BMPR2: variants seen among roughly 807,000 people sequenced by gnomAD.
The protein encoded by BMPR2 is bone morphogenetic protein receptor type 2.
BMPR2 carries 29 observed loss-of-function variants against 100.8 expected under a neutral mutation model. That is an observed-to-expected ratio of 0.29 (90% CI 0.21 to 0.39). BMPR2 has a LOEUF of 0.39. Among genes scored for constraint, BMPR2 ranks in the 10% least tolerant of loss-of-function variants. BMPR2 has a pLI of 1.00. For missense variants in BMPR2, 1,011 were observed against 1,274.5 expected (o/e 0.79, Z 3.15); for synonymous variants, 382 against 442.3 (o/e 0.86, Z 1.71).
chr2:202,434,317 G>A (rs1042185872), intron 1 of BMPR2, among the ~76,000 whole-genome samples: 2 of 150,616 alleles, frequency 1.3e-5, no homozygotes, highest in Non-Finnish European at 2.9e-5. Flanking sequence ...GGTGGAAGTG[G>A]TCCAGTCAAA....
chr2:202,390,926 T>G lies in BMPR2; in HGVS notation c.76+13376T>G, dbSNP rs572869325. ...TTATGACATCTGGTTTTGTGTTATC[T>G]TAGGAAAGCCTCTACCTTATGTACA... On this transcript the variant is annotated intron_variant, in intron 1 of 12. Transcript: ENST00000374580. Among the ~76,000 whole-genome samples, 5 of 151,852 alleles carry G rather than the reference T, an allele frequency of 3.3e-5. No individual in the cohort carries two copies. In the East Asian group the frequency reaches 9.7e-4, roughly 29 times the overall value.
chr2:202,557,167 C>T (rs528816608), intron 12 of BMPR2, among the ~76,000 whole-genome samples: 11 of 151,050 alleles, frequency 7.3e-5, no homozygotes, highest in Admixed American at 5.3e-4. Context: ...CCCGTCTCTA[C>T]TAAAAATGCA....
At chr2:202,522,369 T>C (rs1687833127) in intron 7 of BMPR2, among the ~76,000 whole-genome samples, 1 of 151,860 alleles carries the variant, frequency 6.6e-6, no homozygotes, top group African/African-American at 2.4e-5. Flanking sequence ...TAGCCAGGCA[T>C]GGTGGCACGC....
rs1215897891 is a variant in BMPR2 at position 202,503,611 on chromosome 2, G to T, written c.419-10108G>T. 6.6e-6 allele frequency among the ~76,000 whole-genome samples: 1 copy of T among 152,248 alleles called. No individual in the cohort carries two copies. Among genetic ancestry groups the T allele is most frequent in the East Asian group, 1.9e-4 (1 of 5,192 alleles). ...TGGGTCTTAGCTGCCTTCCCACAGG[G>T]CAGGGCTCGGGACCTGCAGCCCGCC... On this transcript the variant is annotated intron_variant, in intron 3 of 12. Transcript: ENST00000374580. The surrounding 1 kb of genome is among the most constrained non-coding windows in gnomAD (Gnocchi z 4.0).
chr2:202,507,003 G>A (rs111602627), intron 3 of BMPR2, among the ~76,000 whole-genome samples: 17,893 of 151,320 alleles, frequency 0.12, 1,171 homozygotes, highest in Non-Finnish European at 0.14. Flanking sequence ...AGCCTGGGAG[G>A]CGAAGGTTGT....
intron 3 of BMPR2, among the ~76,000 whole-genome samples, chr2:202,488,172 C>T (rs975485636): frequency 6.6e-6 from 1 of 152,124 alleles, no homozygotes; most frequent in East Asian, 1.9e-4. Flanking sequence ...GTTTCTCATT[C>T]TCTTTATTAT....
Position 202,564,729 on chromosome 2 carries a change from ACCTT to A in BMPR2, c.*4786_*4789del, listed in dbSNP as rs1688729086. On this transcript the variant is annotated 3_prime_UTR_variant, in exon 13 of 13. Coordinates refer to ENST00000374580, the MANE Select transcript of BMPR2 (RefSeq NM_001204.7). ...AGGGAATCACAGGGCATTTAAGTGC[ACCTT>A]CCCATTACTTTCCTTAAATCACCTC... 1 of 152,142 alleles carries A rather than the reference ACCTT, an allele frequency of 6.6e-6. No homozygotes were observed. The highest frequency in any genetic ancestry group is 2.1e-4 in the South Asian group (1 of 4,832). 9.4% of individuals were successfully genotyped at this position (152,142 alleles called of 1,614,324 possible). A position where few individuals can be genotyped will look rare whatever the true frequency, so the allele number is the denominator to read the frequency against.
At chr2:202,394,503 A>G (rs1049231939) in intron 1 of BMPR2, among the ~76,000 whole-genome samples, 13 of 152,172 alleles carry the variant, frequency 8.5e-5, no homozygotes, top group Non-Finnish European at 1.5e-4. Flanking sequence ...TCCCTTTATG[A>G]GTGCCTGCTA....
At chr2:202,558,892 C>CAA (rs538329842) in intron 12 of BMPR2, among the ~76,000 whole-genome samples, 4,842 of 81,342 alleles carry the variant, frequency 0.06, 163 homozygotes, top group Middle Eastern at 0.095. Context: ...AACTCCATCT[C>CAA]AAAAAAAAAA....
chr2:202,533,346 G>A (rs1208563497), intron 9 of BMPR2, among the ~76,000 whole-genome samples: 3 of 151,860 alleles, frequency 2.0e-5, no homozygotes, highest in Non-Finnish European at 2.9e-5. Context: ...GAGGTCAGGA[G>A]TTCGAGACCA....
intron 1 of BMPR2, among the ~76,000 whole-genome samples, chr2:202,380,596 A>G (rs1690261641): frequency 1.3e-5 from 2 of 150,632 alleles, no homozygotes; most frequent in South Asian, 2.1e-4. Flanking sequence ...GCACTGCTTT[A>G]TATCATCAGT....
chr2:202,395,740 A>C (rs1690645016), intron 1 of BMPR2, among the ~76,000 whole-genome samples: 1 of 152,018 alleles, frequency 6.6e-6, no homozygotes, highest in South Asian at 2.1e-4. Flanking sequence ...GTTCGAGACC[A>C]TCCTGGCCAA....
chr2:202,525,857 CT>C (rs386392340), intron 7 of BMPR2, among the ~76,000 whole-genome samples: 517 of 69,346 alleles, frequency 7.5e-3, no homozygotes, highest in African/African-American at 0.01. Context: ...TTCAGAGCAT[CT>C]TTTTTTTTTT....
At chr2:202,444,542 A>G (rs889461795) in intron 1 of BMPR2, among the ~76,000 whole-genome samples, 1 of 150,662 alleles carries the variant, frequency 6.6e-6, no homozygotes, top group African/African-American at 2.5e-5. Context: ...AAAATTTTAA[A>G]GACTTTAGTT....
rs192184184 is a variant in BMPR2, at chr2:202,560,076, G to C, written c.*130G>C. The C allele has an allele frequency of 9.0e-5, 103 of 1,149,024 alleles. No individual in the cohort carries two copies. In the East Asian group the frequency reaches 2.5e-3, roughly 28 times the overall value. The allele number at this position is 1,149,024 out of a possible 1,614,324, so 71.2% of individuals were successfully genotyped here. A position where few individuals can be genotyped will look rare whatever the true frequency, so the allele number is the denominator to read the frequency against. ...CCTCCCACCCCTGCAACAAAGACTT[G>C]CTTTAAATAGATTTCAGCTATGCAG... is the stretch of plus-strand genomic sequence containing the variant. On this transcript the variant is annotated 3_prime_UTR_variant, in exon 13 of 13. Coordinates refer to ENST00000374580, the MANE Select transcript of BMPR2 (RefSeq NM_001204.7).
chr2:202,501,598 T>C (rs1359311211), intron 3 of BMPR2, among the ~76,000 whole-genome samples: 2 of 152,198 alleles, frequency 1.3e-5, no homozygotes. Flanking sequence ...AAGGCTGGCC[T>C]CACTGTTTAA....
intron 1 of BMPR2, among the ~76,000 whole-genome samples, 183 bp downstream of exon 1, chr2:202,377,733 T>C (rs940953596): frequency 6.6e-6 from 1 of 152,216 alleles, no homozygotes; most frequent in Non-Finnish European, 1.5e-5. Context: ...CCTTTAATAT[T>C]CTTGTGTATT....
chr2:202,441,774 C>T (rs1338258092), intron 1 of BMPR2, among the ~76,000 whole-genome samples: 1 of 148,252 alleles, frequency 6.7e-6, no homozygotes. Context: ...TGGCTCACGC[C>T]TGTAATCCCA....
At chr2:202,408,080 G>A (rs1478580895) in intron 1 of BMPR2, among the ~76,000 whole-genome samples, 1 of 151,872 alleles carries the variant, frequency 6.6e-6, no homozygotes, top group African/African-American at 2.4e-5. Flanking sequence ...TGATCTGCCC[G>A]CCTCTGCCTC....
Sources: allele counts gnomAD v4.1 joint callset (sites outside exome capture counted in the v4.1 genomes callset), GRCh38; gene constraint gnomAD v4.1.1; non-coding constraint Gnocchi (gnomAD v3.1); transcripts MANE v1.5; gene names NCBI Gene and HGNC (gene_info 2026-07-23, HGNC 2026-07-21).